The following EBF2 variants were observed in gnomAD, a reference collection of about 807,000 sequenced individuals.
The protein encoded by EBF2 is EBF transcription factor 2.
In EBF2, 21 loss-of-function variants were observed where a neutral mutation model predicts 72.8. The observed-to-expected ratio is 0.29, with a 90% CI of 0.20 to 0.42. The LOEUF (loss-of-function observed/expected upper bound fraction) is 0.42. Ranked by LOEUF, EBF2 falls within the 10% of genes least tolerant of loss-of-function variation. The pLI is 1.00. For missense variants in EBF2, 637 were observed against 731.2 expected (o/e 0.87, Z 1.49); for synonymous variants, 299 against 274.2 (o/e 1.09, Z -0.89).
At chr8:25,992,259 G>A (rs1024068547) in intron 6 of EBF2, among the ~76,000 whole-genome samples, 4 of 150,384 alleles carry the variant, frequency 2.7e-5, no homozygotes, top group Non-Finnish European at 3.0e-5. Flanking sequence ...GCTTGAATCT[G>A]GGAGGCAGAG....
Position 25,904,717 on chromosome 8 carries a change from G to A in EBF2, c.633+3757C>T, listed in dbSNP as rs1410611379. Among the ~76,000 whole-genome samples the A allele has an allele frequency of 2.0e-5, 3 of 152,254 alleles. No homozygotes were observed. The East Asian group carries it at 5.8e-4, about 29-fold the overall frequency. ...ATGAGTATGCACTCTCTCTGGTTTT[G>A]TTTCATATTTGGAACCTGAACTAAG... On this transcript the variant is annotated intron_variant, in intron 7 of 15. Transcript: ENST00000520164.
chr8:25,909,914 AT>A lies in EBF2; in HGVS notation c.552-1360del, dbSNP rs903792750. ...GTGAATTTGAAAGCAACAGCTAAAT[AT>A]TTTTTTCATGATTTTATAACATCTG... On this transcript the variant is annotated intron_variant, in intron 6 of 15. Coordinates refer to ENST00000520164, the MANE Select transcript of EBF2 (RefSeq NM_022659.4). Among the ~76,000 whole-genome samples, 7 of 151,842 alleles carry A rather than the reference AT, an allele frequency of 4.6e-5. No homozygotes were observed. In the East Asian group the frequency reaches 9.7e-4, roughly 21 times the overall value.
intron 6 of EBF2, among the ~76,000 whole-genome samples, chr8:25,995,720 T>G (rs979692887): frequency 6.6e-6 from 1 of 151,854 alleles, no homozygotes; most frequent in Non-Finnish European, 1.5e-5. Context: ...GAGAAAAACA[T>G]AAACCAAAAT....
chr8:26,044,917 A>G lies in EBF2; in HGVS notation c.-58T>C. 1 of 1,561,644 alleles carries G rather than the reference A, an allele frequency of 6.4e-7. No individual in the cohort carries two copies. The highest frequency in any genetic ancestry group is 8.7e-7 in the Non-Finnish European group (1 of 1,147,030). On this transcript the variant is annotated 5_prime_UTR_variant, in exon 1 of 16. Transcript: ENST00000520164. The surrounding 1 kb of genome is among the most constrained non-coding windows in gnomAD (Gnocchi z 4.1). ...AAGTAAGAGTTACAACACAGTCCTG[A>G]CTGTTCCCAACGTTGCCAGCAAATC...
chr8:25,930,520 C>G (rs145765969), intron 6 of EBF2, among the ~76,000 whole-genome samples: 2 of 152,084 alleles, frequency 1.3e-5, no homozygotes, highest in African/African-American at 4.8e-5. Flanking sequence ...GTTGATTGAT[C>G]GACTGATTAA....
chr8:25,896,254 T>C (rs1802862811), intron 7 of EBF2, among the ~76,000 whole-genome samples: 1 of 152,228 alleles, frequency 6.6e-6, no homozygotes, highest in Admixed American at 6.5e-5. Context: ...GAGTCTTTGC[T>C]TTGAAAACAC....
chr8:25,942,302 A>G (rs1266376340), intron 6 of EBF2, among the ~76,000 whole-genome samples: 1 of 152,270 alleles, frequency 6.6e-6, no homozygotes, highest in East Asian at 1.9e-4. Flanking sequence ...TCAGATGTAC[A>G]TAATGCATAG....
At position 26,041,006 on chromosome 8, in the gene EBF2, A is replaced by G; in HGVS notation, c.289-4T>C. 1.2e-6 allele frequency: 2 copies of G among 1,614,070 alleles called. No homozygotes were observed. Among genetic ancestry groups the G allele is most frequent in the Non-Finnish European group, 1.7e-6 (2 of 1,179,996 alleles). On this transcript the variant is annotated splice_region_variant and splice_polypyrimidine_tract_variant and intron_variant, in intron 2 of 15. Coordinates refer to ENST00000520164, the MANE Select transcript of EBF2 (RefSeq NM_022659.4). Reference sequence around the variant, plus strand: ...TGGTCTTCTCGTTGCCTTGTTCCTGAAAAGACAGGCAGCGTTCGATTCCCT... The same window carrying G: ...TGGTCTTCTCGTTGCCTTGTTCCTGGAAAGACAGGCAGCGTTCGATTCCCT...
chr8:25,841,742 T>C lies in EBF2; in HGVS notation c.*2867A>G, dbSNP rs961518877. 3 of 152,144 alleles carry C rather than the reference T, an allele frequency of 2.0e-5. No homozygotes were observed. The highest frequency in any genetic ancestry group is 7.2e-5 in the African/African-American group (3 of 41,450). 9.4% of individuals were successfully genotyped at this position (152,144 alleles called of 1,614,324 possible). ...TCCACTCATTTTTACAGTACAAAAA[T>C]TTTATTTTTTTGTTAGGATAATTTA... On this transcript the variant is annotated 3_prime_UTR_variant, in exon 16 of 16. Coordinates refer to ENST00000520164, the MANE Select transcript of EBF2 (RefSeq NM_022659.4).
rs754258489 is a variant in EBF2, at chr8:25,889,756, C to T, written c.747G>A (p.Ser249=). Residue 249 remains serine, a synonymous_variant, in exon 8 of 16, where the codon TCG becomes TCA. Transcript: ENST00000520164. ...GCTGAGCGCAGGCAGCCCTACCTTC[C>T]GATGGATCGAGTCTTCTTGCTCTCC... ...HGRRARRLDP[S]EATPCIKAIS... The T allele has an allele frequency of 2.3e-5, 37 of 1,613,258 alleles. No homozygotes were observed. The highest frequency in any genetic ancestry group is 3.3e-5 in the South Asian group (3 of 91,058).
At position 25,926,205 on chromosome 8, in the gene EBF2, C is replaced by T. The variant is rs1457911529; in HGVS notation, c.552-17650G>A. Among the ~76,000 whole-genome samples the T allele has an allele frequency of 9.8e-4, 149 of 152,182 alleles. 1 individual carries two copies. The highest frequency in any genetic ancestry group is 1.5e-4 in the Non-Finnish European group (10 of 68,014). ...ACAATACAACATGGGAGGGAGATCT[C>T]GTTGCTCTCGCCGTATGGTGGCCTG... is the stretch of plus-strand genomic sequence containing the variant. On this transcript the variant is annotated intron_variant, in intron 6 of 15. Transcript: ENST00000520164.
intron 6 of EBF2, among the ~76,000 whole-genome samples, chr8:25,912,766 C>A (rs1278195949): frequency 6.6e-6 from 1 of 152,122 alleles, no homozygotes. Context: ...ATACGTTTCT[C>A]CAGATTCTGA....
At chr8:25,986,106 C>G (rs1804451970) in intron 6 of EBF2, among the ~76,000 whole-genome samples, 2 of 145,710 alleles carry the variant, frequency 1.4e-5, no homozygotes, top group Admixed American at 1.4e-4. Context: ...ATTTGTACAA[C>G]ACATATTTGT....
At chr8:26,040,794 T>C in intron 3 of EBF2, 123 bp from the exon 4 acceptor site, 1 of 1,475,776 alleles carries the variant, frequency 6.8e-7, no homozygotes, top group Admixed American at 2.0e-5. Flanking sequence ...CTGGAGACGG[T>C]GACCTCCCAA....
chr8:26,022,237 C>T (rs551037532), intron 6 of EBF2, among the ~76,000 whole-genome samples: 24 of 152,288 alleles, frequency 1.6e-4, no homozygotes, highest in Admixed American at 5.2e-4. Flanking sequence ...GAGTCTTTGG[C>T]CAGCTACACA....
chr8:26,002,860 AGGCGG>A (rs1563204627), intron 6 of EBF2, among the ~76,000 whole-genome samples: 1 of 89,330 alleles, frequency 1.1e-5, no homozygotes, highest in Non-Finnish European at 3.1e-5. Context: ...GCAGGCGGGC[AGGCGG>A]GCAGGCGGGC....
At chr8:25,899,280 T>C (rs936936887) in intron 7 of EBF2, among the ~76,000 whole-genome samples, 1 of 151,996 alleles carries the variant, frequency 6.6e-6, no homozygotes, top group Non-Finnish European at 1.5e-5. Flanking sequence ...AATTATGATT[T>C]CTTAACTAGG....
At chr8:25,931,786 G>A (rs561496943) in intron 6 of EBF2, among the ~76,000 whole-genome samples, 2 of 152,248 alleles carry the variant, frequency 1.3e-5, no homozygotes, top group Admixed American at 1.3e-4. Flanking sequence ...CACGCCTCAA[G>A]GAAAGACGGC....
intron 6 of EBF2, among the ~76,000 whole-genome samples, chr8:26,015,612 A>G (rs763854044): frequency 5.3e-5 from 8 of 152,188 alleles, no homozygotes; most frequent in Admixed American, 1.3e-4. Flanking sequence ...TAAGCCAGTC[A>G]CTCTTGTTGC....
Sources: gnomAD v4.1 joint callset for allele counts (sites outside exome capture counted in the v4.1 genomes callset) on GRCh38, gnomAD v4.1.1 for gene constraint, Gnocchi (gnomAD v3.1) non-coding constraint, MANE v1.5 for transcripts, NCBI Gene and HGNC (gene_info 2026-07-23, HGNC 2026-07-21) for gene names.